PRMT8: variants seen among roughly 807,000 people sequenced by gnomAD.
The protein encoded by PRMT8 is protein arginine N-methyltransferase 8.
PRMT8 carries 7 observed loss-of-function variants against 47.1 expected under a neutral mutation model. The observed-to-expected ratio is 0.15, with a 90% CI of 0.08 to 0.28. The LOEUF (loss-of-function observed/expected upper bound fraction) is 0.28. Among genes scored for constraint, PRMT8 ranks in the 10% least tolerant of loss-of-function variants. The pLI is 1.00. For synonymous variants in PRMT8, 188 were observed against 186.5 expected (o/e 1.01, Z -0.07); for missense variants, 237 against 505.4 (o/e 0.47, Z 5.09).
At chr12:3,554,334 C>G (rs191670006) in intron 4 of PRMT8, among the ~76,000 whole-genome samples, 22 of 152,334 alleles carry the variant, frequency 1.4e-4, no homozygotes, top group Non-Finnish European at 2.2e-4. Flanking sequence ...CGCAAGGGTC[C>G]CTGATCAGGA....
At chr12:3,484,951 G>A (rs1288488980) in intron 1 of PRMT8, among the ~76,000 whole-genome samples, 1 of 152,160 alleles carries the variant, frequency 6.6e-6, no homozygotes, top group East Asian at 1.9e-4. Context: ...GCACTGGTAT[G>A]GGCAGGGGTG....
chr12:3,546,101 G>C (rs1163919986), intron 2 of PRMT8, among the ~76,000 whole-genome samples: 1 of 152,098 alleles, frequency 6.6e-6, no homozygotes, highest in Non-Finnish European at 1.5e-5. Context: ...ATAGCCCATG[G>C]GTCACAGAAG....
At chr12:3,582,191 C>T (rs1867079912) in intron 7 of PRMT8, among the ~76,000 whole-genome samples, 1 of 152,174 alleles carries the variant, frequency 6.6e-6, no homozygotes, top group African/African-American at 2.4e-5. Flanking sequence ...CCTCACGGGG[C>T]CAGCAAGCAG....
chr12:3,488,451 A>T (rs1865342447), upstream of PRMT8, among the ~76,000 whole-genome samples: 1 of 152,050 alleles, frequency 6.6e-6, no homozygotes, highest in South Asian at 2.1e-4. Context: ...TACCCATTTG[A>T]CTCACACACT....
chr12:3,397,531 G>C (rs1442052090), intron 1 of PRMT8, among the ~76,000 whole-genome samples: 1 of 151,236 alleles, frequency 6.6e-6, no homozygotes, highest in Non-Finnish European at 1.5e-5. Flanking sequence ...TCGGGGGTCA[G>C]GGGTCAGGGA....
At chr12:3,431,683 A>G (rs928737473) in intron 1 of PRMT8, among the ~76,000 whole-genome samples, 1 of 152,176 alleles carries the variant, frequency 6.6e-6, no homozygotes, top group Non-Finnish European at 1.5e-5. Context: ...GAAAAATGTT[A>G]CATATCAAAG....
rs538979466 is a variant in PRMT8 at position 3,537,344 on chromosome 12, A to G, written c.76-3262A>G. 1.3e-4 allele frequency among the ~76,000 whole-genome samples: 20 copies of G among 152,296 alleles called. 1 individual carries two copies. The highest frequency in any genetic ancestry group is 5.8e-4 in the East Asian group (3 of 5,184). On this transcript the variant is annotated intron_variant, in intron 1 of 9. Transcript: ENST00000382622. ...TTGCCTCATGTGGACAGATTATCCAATCCTTTCCCCAATATTACATTGTGG... is the reference window on the plus strand; with the variant it reads ...TTGCCTCATGTGGACAGATTATCCAGTCCTTTCCCCAATATTACATTGTGG...
Position 3,564,772 on chromosome 12 carries a change from A to T in PRMT8, c.482-3934A>T, listed in dbSNP as rs764559462. On this transcript the variant is annotated intron_variant, in intron 4 of 9. Transcript: ENST00000382622. The surrounding 1 kb of genome is among the most constrained non-coding windows in gnomAD (Gnocchi z 4.0). ...CAGCCTACGGCTGCTCGGAATCTTA[A>T]TATCAATAGCTTAGACCCCCTTGAA... Among the ~76,000 whole-genome samples the T allele has an allele frequency of 6.6e-6, 1 of 152,242 alleles. No homozygotes were observed. The highest frequency in any genetic ancestry group is 1.9e-4 in the East Asian group (1 of 5,202).
In PRMT8 at chr12:3,570,926, G is replaced by C. The variant is rs1051361327; in HGVS notation, c.712+1362G>C. 1.3e-5 allele frequency among the ~76,000 whole-genome samples: 2 copies of C among 152,198 alleles called. No individual in the cohort carries two copies. The highest frequency in any genetic ancestry group is 6.5e-5 in the Admixed American group (1 of 15,288). On this transcript the variant is annotated intron_variant, in intron 6 of 9. Transcript: ENST00000382622. This position sits in a 1 kb window ranked among gnomAD's most constrained non-coding sequence, Gnocchi z 5.5. ...GACAGTGAGAGGCAGGGGGGCCCAGGTTAAATGCTTTGCACACTGCCAGCC... is the reference window on the plus strand; with the variant it reads ...GACAGTGAGAGGCAGGGGGGCCCAGCTTAAATGCTTTGCACACTGCCAGCC...
At chr12:3,524,696 G>A (rs1217345636) in intron 1 of PRMT8, among the ~76,000 whole-genome samples, 3 of 149,234 alleles carry the variant, frequency 2.0e-5, no homozygotes. Flanking sequence ...ATCAATAGGC[G>A]ACATTTGGGA....
Position 3,470,641 on chromosome 12 carries a change from G to T in PRMT8, c.49-69965G>T, listed in dbSNP as rs915158351. Among the ~76,000 whole-genome samples the T allele has an allele frequency of 3.3e-5, 5 of 151,434 alleles. 1 individual carries two copies. The highest frequency in any genetic ancestry group is 3.3e-4 in the Admixed American group (5 of 15,210). On this transcript the variant is annotated intron_variant, in intron 1 of 9. Coordinates refer to the PRMT8 transcript ENST00000452611. ...TCCTGGAACAGGGTCTCCAGAATAC[G>T]CAGGAGTGAGGCTGGCACACAGCAC...
chr12:3,549,749 G>A (rs1191010893), intron 2 of PRMT8, among the ~76,000 whole-genome samples, 187 bp from the exon 3 acceptor site: 1 of 152,176 alleles, frequency 6.6e-6, no homozygotes, highest in East Asian at 1.9e-4. Context: ...TTTAAGGCAG[G>A]GGAAGTTTGG....
intron 1 of PRMT8, among the ~76,000 whole-genome samples, chr12:3,423,949 T>C (rs973873042): frequency 2.0e-5 from 3 of 152,204 alleles, no homozygotes; most frequent in African/African-American, 7.2e-5. Flanking sequence ...CGGGAATTCG[T>C]CAGGAACTGG....
At chr12:3,494,872 G>C (rs952930617) in intron 1 of PRMT8, among the ~76,000 whole-genome samples, 2 of 152,164 alleles carry the variant, frequency 1.3e-5, no homozygotes, top group African/African-American at 2.4e-5. Flanking sequence ...TCTCCTCATG[G>C]AATAGGGCAG....
intron 1 of PRMT8, among the ~76,000 whole-genome samples, chr12:3,408,530 C>A (rs952922838): frequency 2.0e-5 from 3 of 152,322 alleles, no homozygotes; most frequent in African/African-American, 7.2e-5. Flanking sequence ...AACCACTGCA[C>A]CCAACTGAGC....
intron 2 of PRMT8, among the ~76,000 whole-genome samples, chr12:3,543,278 C>T (rs1866265741): frequency 6.6e-6 from 1 of 152,276 alleles, no homozygotes; most frequent in Admixed American, 6.5e-5. Context: ...TTTCAGTTTC[C>T]CAGATCATCT....
rs551182856 is a variant in PRMT8 at position 3,397,765 on chromosome 12, T to C, written c.48+16323T>C. 4.1e-4 allele frequency among the ~76,000 whole-genome samples: 62 copies of C among 152,172 alleles called. 1 individual carries two copies. The Middle Eastern group carries it at 0.01, about 25-fold the overall frequency. ...CAGTTCGTGCTTCCCGGCTGCTTTG[T>C]TTACCTCAGCAAGCCCGGGCAATGG... is the stretch of plus-strand genomic sequence containing the variant. On this transcript the variant is annotated intron_variant, in intron 1 of 9. Transcript: ENST00000452611.
intron 1 of PRMT8, among the ~76,000 whole-genome samples, chr12:3,521,480 A>G (rs187034156): frequency 1.1e-3 from 175 of 152,318 alleles, no homozygotes; most frequent in Non-Finnish European, 2.2e-3. Context: ...AGGCTGAGGC[A>G]GGAGAATCAC....
Position 3,408,194 on chromosome 12 carries a change from T to TCCTC in PRMT8, c.48+26764_48+26767dup, listed in dbSNP as rs561398083. On this transcript the variant is annotated intron_variant, in intron 1 of 9. Transcript: ENST00000452611. Reference sequence around the variant, plus strand: ...TTCTTTCCTTCCTTCCTTCCTCCCTTCCTCCCTCCCTCCCTTCCTCTTTCC... The same window carrying TCCTC: ...TTCTTTCCTTCCTTCCTTCCTCCCTTCCTCCCTCCCTCCCTCCCTTCCTCTTTCC... Among the ~76,000 whole-genome samples the TCCTC allele has an allele frequency of 9.5e-3, 1,428 of 150,012 alleles. 31 individuals carry two copies. Among genetic ancestry groups the TCCTC allele is most frequent in the African/African-American group, 0.033 (1,345 of 40,654 alleles).
Sources: gnomAD v4.1 joint callset for allele counts (sites outside exome capture counted in the v4.1 genomes callset) on GRCh38, gnomAD v4.1.1 for gene constraint, Gnocchi (gnomAD v3.1) non-coding constraint, MANE v1.5 for transcripts, NCBI Gene and HGNC (gene_info 2026-07-23, HGNC 2026-07-21) for gene names.